The following CEP131 variants were observed in gnomAD, a reference collection of about 807,000 sequenced individuals.
The protein encoded by CEP131 is centrosomal protein 131.
Under a neutral mutation model 136.8 loss-of-function variants are expected in CEP131, and 99 were observed. The ratio of observed to expected loss-of-function variants is 0.72; its 90% CI spans 0.62 to 0.86. CEP131 has a LOEUF of 0.86. Ranked by LOEUF, CEP131 falls within the 40% of genes least tolerant of loss-of-function variation. CEP131 has a pLI of 0.00. For missense variants in CEP131, 1,459 were observed against 1,463.0 expected (o/e 1.00, Z 0.04); for synonymous variants, 646 against 612.7 (o/e 1.05, Z -0.80).
At position 81,191,181 on chromosome 17, in the gene CEP131, G is replaced by A; in HGVS notation, c.2765+12C>T. ...CTCCCCAGCTGGTGACCCAGCCATG[G>A]CGGGTCCTTACCGGCTCTCGGCAGC... On this transcript the variant is annotated intron_variant, in intron 22 of 25. Transcript: ENST00000450824. 6.2e-7 allele frequency: 1 copy of A among 1,610,188 alleles called. No individual in the cohort carries two copies. Among genetic ancestry groups the A allele is most frequent in the South Asian group, 1.1e-5 (1 of 91,024 alleles).
Position 81,200,324 on chromosome 17 carries a change from C to A in CEP131, c.906+5G>T. On this transcript the variant is annotated splice_donor_5th_base_variant and intron_variant, in intron 8 of 25. Transcript: ENST00000450824. ...GCATGGAGTGACTGAGACGCCCACA[C>A]TGACCTCCCGCTTGGCCTGAAGCAA... The A allele has an allele frequency of 6.2e-7, 1 of 1,601,390 alleles. No homozygotes were observed. The highest frequency in any genetic ancestry group is 8.5e-7 in the Non-Finnish European group (1 of 1,174,354).
Position 81,189,669 on chromosome 17 carries a change from C to T in CEP131, c.*100G>A. On this transcript the variant is annotated 3_prime_UTR_variant, in exon 26 of 26. Transcript: ENST00000450824. ...AGCCGTGGGCATCTCAACCACCAGC[C>T]TCTGTGGGGGGCAGGTGGGCGTCCC... 1 of 1,285,122 alleles carries T rather than the reference C, an allele frequency of 7.8e-7. No homozygotes were observed. Among genetic ancestry groups the T allele is most frequent in the Admixed American group, 2.4e-5 (1 of 42,324 alleles). 79.6% of individuals were successfully genotyped at this position (1,285,122 alleles called of 1,614,324 possible).
At chr17:81,192,886 G>A (rs764533925) in intron 18 of CEP131, 43 bp from the exon 19 acceptor site, 14 of 1,573,122 alleles carry the variant, frequency 8.9e-6, no homozygotes, top group African/African-American at 2.7e-5. Context: ...CGGGACGGGC[G>A]GTCCCAGGAC....
intron 24 of CEP131, 150 bp from the exon 25 acceptor site, chr17:81,190,125 C>A: frequency 1.5e-6 from 1 of 682,718 alleles, no homozygotes; most frequent in Non-Finnish European, 2.4e-6. Flanking sequence ...AGACAGCTGT[C>A]CAGGCAACCC....
chr17:81,207,269 A>C, intron 3 of CEP131, 30 bp from the exon 4 acceptor site: 1 of 1,605,448 alleles, frequency 6.2e-7, no homozygotes, highest in Non-Finnish European at 8.5e-7. Context: ...GCACACAAGG[A>C]AAGAGTCACC....
intron 5 of CEP131, 47 bp downstream of exon 5, chr17:81,206,697 A>G: frequency 6.4e-7 from 1 of 1,570,512 alleles, no homozygotes; most frequent in Non-Finnish European, 8.6e-7. Flanking sequence ...TCTCCACTCC[A>G]GGAGCTTCCC....
At chr17:81,213,804 AC>A (rs1299641632) in intron 2 of CEP131, among the ~76,000 whole-genome samples, 11 of 152,336 alleles carry the variant, frequency 7.2e-5, no homozygotes, top group African/African-American at 2.6e-4. Flanking sequence ...GTGAGAGGTC[AC>A]ATGGACAGTG....
At chr17:81,199,914 C>G (rs1278719146) in intron 8 of CEP131, 79 bp from the exon 9 acceptor site, 1 of 1,411,522 alleles carries the variant, frequency 7.1e-7, no homozygotes, top group Non-Finnish European at 9.9e-7. Flanking sequence ...TTCCCCACAA[C>G]GCCCTGGAGT....
At position 81,194,067 on chromosome 17, in the gene CEP131, T is replaced by G. The variant is rs1470756607; in HGVS notation, c.2180A>C (p.Lys727Thr). 1 of 1,583,312 alleles carries G rather than the reference T, an allele frequency of 6.3e-7. No homozygotes were observed. Among genetic ancestry groups the G allele is most frequent in the Non-Finnish European group, 8.6e-7 (1 of 1,165,450 alleles). The change falls in exon 18 of 26, where the codon AAG becomes ACG. Residue 727 changes from lysine (K) to threonine (T), a missense_variant. By Grantham distance (78) the Lys-to-Thr change is moderately conservative. Around this residue, in one of 3 missense-constraint regions of CEP131, gnomAD observed 1,026 missense variants for 964.2 expected, o/e 1.06. Transcript: ENST00000450824. The stretch of plus-strand genomic sequence containing the variant: ...CAGCAGCTCCGCCTCGTGCAGGCTC[T>G]TGAGCCTCCGCACTTCCTGCTTGTG... ...ARHKQEVRRL[K>T]SLHEAELLQS...
chr17:81,201,028 T>TA (rs2061879109), intron 7 of CEP131, among the ~76,000 whole-genome samples: 1 of 152,076 alleles, frequency 6.6e-6, no homozygotes, highest in Non-Finnish European at 1.5e-5. Context: ...ACTGCACACT[T>TA]ACAATGGGCA....
chr17:81,191,056 C>A lies in CEP131; in HGVS notation c.2794G>T (p.Ala932Ser). Reference sequence around the variant, plus strand: ...GACTGCTCCAGCTCGGAGAGCTCGGCCTCGTACTTGTCCCGTAAGCGCTTG... The same window carrying A: ...GACTGCTCCAGCTCGGAGAGCTCGGACTCGTACTTGTCCCGTAAGCGCTTG... ...RIKRLRDKYE[A>S]ELSELEQSER... Residue 932 changes from alanine to serine, a missense_variant, in exon 23 of 26, where the codon GCC becomes TCC. Physicochemically the swap from Ala to Ser is moderately conservative, Grantham distance 99 (BLOSUM62 1). Around this residue, in one of 3 missense-constraint regions of CEP131, gnomAD observed 1,026 missense variants for 964.2 expected, o/e 1.06. Transcript: ENST00000450824. 1 of 1,608,216 alleles carries A rather than the reference C, an allele frequency of 6.2e-7. No individual in the cohort carries two copies.
chr17:81,200,268 C>T lies in CEP131; in HGVS notation c.906+61G>A, dbSNP rs1193349789. The T allele has an allele frequency of 7.5e-6, 10 of 1,336,880 alleles. No homozygotes were observed. The African/African-American group carries it at 1.3e-4, about 18-fold the overall frequency. The allele number at this position is 1,336,880 out of a possible 1,614,324, so 82.8% of individuals were successfully genotyped here. ...TCCACCTGTCCCAGAAACTCAAACC[C>T]CTGGGATTCTGGGCCAGACCCCCCG... On this transcript the variant is annotated intron_variant, in intron 8 of 25. Transcript: ENST00000450824.
intron 8 of CEP131, 41 bp from the exon 9 acceptor site, chr17:81,199,876 A>C: frequency 1.9e-6 from 3 of 1,593,286 alleles, no homozygotes; most frequent in African/African-American, 1.3e-5. Context: ...TACATCTGGA[A>C]GACGGAATCC....
intron 1 of CEP131, among the ~76,000 whole-genome samples, chr17:81,222,196 G>A (rs1162325346): frequency 1.3e-5 from 2 of 152,216 alleles, no homozygotes; most frequent in Non-Finnish European, 2.9e-5. Flanking sequence ...GAAGAAGGGA[G>A]GCCTGGGAGG....
At chr17:81,196,046 A>G in intron 15 of CEP131, 95 bp from the exon 16 acceptor site, 2 of 998,408 alleles carry the variant, frequency 2.0e-6, no homozygotes, top group Non-Finnish European at 3.0e-6. Flanking sequence ...AGGGAGGCTA[A>G]CAGCAGCCCT....
At chr17:81,191,723 G>A (rs2061645714) in intron 21 of CEP131, among the ~76,000 whole-genome samples, 2 of 152,322 alleles carry the variant, frequency 1.3e-5, no homozygotes, top group Admixed American at 6.5e-5. Flanking sequence ...AAAACTCCCA[G>A]AGTTTCATCT....
At position 81,192,788 on chromosome 17, in the gene CEP131, G is replaced by T; in HGVS notation, c.2377C>A (p.Leu793Met). ...QWALQQQRQR[L>M]YSEVAEERER... ...CTCTCCTCAGCCACCTCACTGTACA[G>T]CCGCTGCCGTTGCTGCTGCAGCGCC... Residue 793 changes from leucine (L) to methionine (M), a missense_variant, in exon 19 of 26, where the codon CTG becomes ATG. Leu to Met is a conservative substitution (Grantham distance 15). Transcript: ENST00000450824. 2 of 1,597,986 alleles carry T rather than the reference G, an allele frequency of 1.3e-6. No homozygotes were observed. Among genetic ancestry groups the T allele is most frequent in the South Asian group, 1.1e-5 (1 of 91,030 alleles).
At chr17:81,206,685 A>C in intron 5 of CEP131, 59 bp downstream of exon 5, 1 of 1,542,906 alleles carries the variant, frequency 6.5e-7, no homozygotes, top group Non-Finnish European at 8.7e-7. Flanking sequence ...AGACACACAC[A>C]GTCTCCACTC....
intron 7 of CEP131, 63 bp downstream of exon 7, chr17:81,202,177 T>G: frequency 3.4e-5 from 18 of 536,074 alleles, no homozygotes; most frequent in Non-Finnish European, 4.1e-5. Flanking sequence ...CCCCAGACCC[T>G]GATGCCTGCC....
Sources: gnomAD v4.1 joint callset for allele counts (sites outside exome capture counted in the v4.1 genomes callset) on GRCh38, gnomAD v4.1.1 for gene constraint, gnomAD v4.1.1 regional missense constraint, MANE v1.5 for transcripts, NCBI Gene and HGNC (gene_info 2026-07-23, HGNC 2026-07-21) for gene names.